The following SLC9C1 variants were observed in gnomAD, a reference collection of about 807,000 sequenced individuals.
SLC9C1 encodes the protein sodium/hydrogen exchanger 10.
A neutral mutation model predicts 140.9 loss-of-function variants in SLC9C1; 97 were observed. The ratio of observed to expected loss-of-function variants is 0.69; its 90% CI spans 0.58 to 0.82. SLC9C1 has a LOEUF of 0.82. SLC9C1 is among the 40% of genes least tolerant of loss of function. SLC9C1 has a pLI of 0.00. For synonymous variants in SLC9C1, 440 were observed against 442.6 expected (o/e 0.99, Z 0.07); for missense variants, 1,340 against 1,389.3 (o/e 0.96, Z 0.56).
chr3:112,163,183 TA>T (rs1385829833), intron 26 of SLC9C1, among the ~76,000 whole-genome samples: 1 of 147,390 alleles, frequency 6.8e-6, no homozygotes, highest in Admixed American at 6.8e-5. Context: ...TTAGTCTTGC[TA>T]GCGGTCTATC....
chr3:112,263,327 A>G (rs1484762974), intron 9 of SLC9C1, among the ~76,000 whole-genome samples: 2 of 151,942 alleles, frequency 1.3e-5, no homozygotes, highest in African/African-American at 4.8e-5. Context: ...TGAGTAGCAT[A>G]GTAAATTTAC....
intron 28 of SLC9C1, among the ~76,000 whole-genome samples, chr3:112,145,803 A>C (rs1418436019): frequency 6.6e-6 from 1 of 152,054 alleles, no homozygotes; most frequent in African/African-American, 2.4e-5. Flanking sequence ...ACCCGAAGGC[A>C]GATAAATGAA....
At chr3:112,189,535 G>T (rs1317835278) in intron 20 of SLC9C1, among the ~76,000 whole-genome samples, 1 of 152,170 alleles carries the variant, frequency 6.6e-6, no homozygotes, top group East Asian at 1.9e-4. Flanking sequence ...AGATCAGATG[G>T]TTGTAGATGT....
chr3:112,248,142 CAAAG>C (rs1409706111), intron 10 of SLC9C1, among the ~76,000 whole-genome samples: 2 of 152,118 alleles, frequency 1.3e-5, no homozygotes, highest in African/African-American at 4.8e-5. Flanking sequence ...GTCCAAATGA[CAAAG>C]AGGCTTCTGG....
intron 7 of SLC9C1, among the ~76,000 whole-genome samples, chr3:112,266,563 G>A (rs2079924302): frequency 6.6e-6 from 1 of 151,986 alleles, no homozygotes. Flanking sequence ...CCTACTATGG[G>A]CATCTTTGCA....
At chr3:112,255,299 A>G (rs541312105) in intron 10 of SLC9C1, among the ~76,000 whole-genome samples, 1 of 152,168 alleles carries the variant, frequency 6.6e-6, no homozygotes, top group Non-Finnish European at 1.5e-5. Flanking sequence ...TCATCACCAC[A>G]TGGCAAAAAG....
chr3:112,267,590 AAAAAAAAGAG>A (rs1279836665), intron 7 of SLC9C1, among the ~76,000 whole-genome samples: 6 of 150,088 alleles, frequency 4.0e-5, no homozygotes, highest in Admixed American at 3.3e-4. Context: ...AAAAAAAAAA[AAAAAAAAGAG>A]AGAGAGAGAG....
chr3:112,277,710 C>A lies in SLC9C1; in HGVS notation c.469G>T (p.Ala157Ser). The change falls in exon 5 of 29, where the codon GCT (alanine) becomes TCT (serine). Residue 157 changes from alanine to serine, a missense_variant. Physicochemically the swap from Ala to Ser is moderately conservative, Grantham distance 99. Transcript: ENST00000305815. ...ATATACCTACCAAGGTCTCTTATAG[C>A]AGCTGCGGTTAGCATGGGATCTGAA... is the stretch of plus-strand genomic sequence containing the variant. ...VSSDPMLTAA[A>S]IRDLGLSRSL... The A allele has an allele frequency of 1.9e-6, 3 of 1,591,528 alleles. No individual in the cohort carries two copies. Among genetic ancestry groups the A allele is most frequent in the Non-Finnish European group, 2.6e-6 (3 of 1,171,028 alleles).
intron 25 of SLC9C1, among the ~76,000 whole-genome samples, chr3:112,167,910 G>A (rs1016402127): frequency 2.6e-5 from 4 of 152,114 alleles, no homozygotes; most frequent in African/African-American, 4.8e-5. Context: ...AAGGATAGAG[G>A]TAGAGAGCAG....
intron 10 of SLC9C1, among the ~76,000 whole-genome samples, chr3:112,249,380 A>G (rs931866413): frequency 9.9e-5 from 15 of 150,946 alleles, no homozygotes; most frequent in African/African-American, 3.2e-4. Flanking sequence ...TTTTGCATCT[A>G]TATTCTTCAA....
chr3:112,174,777 CTA>C (rs990459001), intron 23 of SLC9C1, among the ~76,000 whole-genome samples: 8 of 152,182 alleles, frequency 5.3e-5, no homozygotes, highest in African/African-American at 1.9e-4. Context: ...TGAGTTGACT[CTA>C]TGATTTCCTC....
chr3:112,224,072 T>C (rs73219960), intron 13 of SLC9C1, among the ~76,000 whole-genome samples: 2,185 of 152,140 alleles, frequency 0.014, 15 homozygotes, highest in Non-Finnish European at 0.023. Flanking sequence ...TTCCCCCAAA[T>C]CACAGATGAT....
intron 26 of SLC9C1, among the ~76,000 whole-genome samples, chr3:112,165,240 G>C (rs1268729109): frequency 6.6e-6 from 1 of 152,038 alleles, no homozygotes; most frequent in Non-Finnish European, 1.5e-5. Flanking sequence ...GCTCAGAGAT[G>C]TTTGATCATC....
intron 10 of SLC9C1, among the ~76,000 whole-genome samples, chr3:112,249,097 G>C (rs1008647123): frequency 6.6e-6 from 1 of 151,884 alleles, no homozygotes; most frequent in Admixed American, 6.6e-5. Flanking sequence ...GTCATAGAGG[G>C]CTCTTCTTAT....
At chr3:112,257,912 C>T (rs1217645283) in intron 10 of SLC9C1, among the ~76,000 whole-genome samples, 1 of 152,110 alleles carries the variant, frequency 6.6e-6, no homozygotes, top group Admixed American at 6.6e-5. Context: ...CAAAAGAAGA[C>T]GTACATGCAG....
At position 112,228,755 on chromosome 3, in the gene SLC9C1, C is replaced by T. The variant is rs972980862; in HGVS notation, c.1572+2606G>A. ...GATCTGAATAGACATTTCTCAAAGA[C>T]ACAAACGGTCAACAAGCACATAAAA... On this transcript the variant is annotated intron_variant, in intron 13 of 28. Transcript: ENST00000305815. Among the ~76,000 whole-genome samples, 3 of 151,972 alleles carry T rather than the reference C, an allele frequency of 2.0e-5. No homozygotes were observed. In the East Asian group the frequency reaches 5.8e-4, roughly 29 times the overall value.
In SLC9C1 at chr3:112,174,157, T is replaced by A. The variant is rs1325682297; in HGVS notation, c.2920-4829A>T. ...TGTTTGTGTTTTGCTTGTTAATTTG[T>A]TTAAGTTTCTTAGAGATTCTGGCTT... On this transcript the variant is annotated intron_variant, in intron 23 of 28. Coordinates refer to ENST00000305815, the MANE Select transcript of SLC9C1 (RefSeq NM_183061.3). Among the ~76,000 whole-genome samples, 3 of 152,206 alleles carry A rather than the reference T, an allele frequency of 2.0e-5. No homozygotes were observed. The East Asian group carries it at 5.8e-4, about 29-fold the overall frequency.
intron 10 of SLC9C1, among the ~76,000 whole-genome samples, chr3:112,259,020 C>T (rs922287919): frequency 1.3e-5 from 2 of 152,108 alleles, no homozygotes; most frequent in Non-Finnish European, 2.9e-5. Flanking sequence ...CCCCATGATC[C>T]AGTCACGAGG....
chr3:112,181,551 C>T (rs1169898319), intron 21 of SLC9C1, among the ~76,000 whole-genome samples: 1 of 151,970 alleles, frequency 6.6e-6, no homozygotes, highest in Non-Finnish European at 1.5e-5. Flanking sequence ...GCTGGGTATT[C>T]AAAAGGTAGA....
Sources: gnomAD v4.1 joint callset for allele counts (sites outside exome capture counted in the v4.1 genomes callset) on GRCh38, gnomAD v4.1.1 for gene constraint, MANE v1.5 for transcripts, NCBI Gene and HGNC (gene_info 2026-07-23, HGNC 2026-07-21) for gene names.